Variants in CFAP54 observed in about 807,000 individuals in gnomAD.
The protein encoded by CFAP54 is cilia- and flagella-associated protein 54.
A neutral mutation model predicts 370.4 loss-of-function variants in CFAP54; 290 were observed. That is an observed-to-expected ratio of 0.78 (90% confidence interval 0.71 to 0.86). The LOEUF (loss-of-function observed/expected upper bound fraction) is 0.86, where lower values mean the gene tolerates loss of function less well. CFAP54 is among the 40% of genes least tolerant of loss of function. The pLI, the probability that CFAP54 is intolerant of heterozygous loss-of-function variation, is 0.00. For synonymous variants in CFAP54, 1,206 were observed against 1,236.5 expected (o/e 0.98, Z 0.52); for missense variants, 3,399 against 3,528.7 (o/e 0.96, Z 0.93).
chr12:96,526,685 AAAC>A lies in CFAP54; in HGVS notation c.1159-557_1159-555del, dbSNP rs140538244. Among the ~76,000 whole-genome samples the A allele has an allele frequency of 2.2e-3, 342 of 152,256 alleles. 4 individuals carry two copies. Among genetic ancestry groups the A allele is most frequent in the African/African-American group, 8.1e-3 (335 of 41,544 alleles). Reference sequence around the variant, plus strand: ...GCTTGCTTAATAAGCAAACCATAATAAACAACCTTTTAATGCTGCCTTGGAAAC... The same window carrying A: ...GCTTGCTTAATAAGCAAACCATAATAAACCTTTTAATGCTGCCTTGGAAAC... On this transcript the variant is annotated intron_variant, in intron 8 of 67. Coordinates refer to ENST00000524981, the MANE Select transcript of CFAP54 (RefSeq NM_001306084.2).
intron 45 of CFAP54, among the ~76,000 whole-genome samples, chr12:96,696,939 A>G (rs1162412251): frequency 1.3e-5 from 2 of 152,216 alleles, no homozygotes; most frequent in Non-Finnish European, 2.9e-5. Context: ...TCAAAGAGCA[A>G]TAATAGATCA....
chr12:96,623,610 GTTA>G (rs768108323), intron 27 of CFAP54, among the ~76,000 whole-genome samples, 154 bp from the exon 28 acceptor site: 1 of 152,106 alleles, frequency 6.6e-6, no homozygotes, highest in Non-Finnish European at 1.5e-5. Flanking sequence ...CACAATAACT[GTTA>G]TTATTCATTG....
chr12:96,558,179 G>A (rs979818286), intron 17 of CFAP54, among the ~76,000 whole-genome samples: 8 of 151,966 alleles, frequency 5.3e-5, no homozygotes, highest in African/African-American at 1.9e-4. Context: ...ATACATACAT[G>A]ATAAATATAT....
Position 96,538,398 on chromosome 12 carries a change from TAAAG to T in CFAP54, c.1810_1813del (p.Glu604LeufsTer6), listed in dbSNP as rs1565889193. On this transcript the variant is annotated frameshift_variant, in exon 13 of 68. Coordinates refer to ENST00000524981, the MANE Select transcript of CFAP54 (RefSeq NM_001306084.2). LOFTEE classifies it high-confidence loss of function. ...TTTGTTTTTAGGATGTTCAACCTGA[TAAAG>T]AAATTGTTGTGGACACGATAATGTT... The T allele has an allele frequency of 1.3e-6, 2 of 1,534,952 alleles. No individual in the cohort carries two copies. Among genetic ancestry groups the T allele is most frequent in the South Asian group, 1.2e-5 (1 of 83,680 alleles).
intron 46 of CFAP54, among the ~76,000 whole-genome samples, chr12:96,700,923 A>G (rs1957485109): frequency 6.6e-6 from 1 of 152,210 alleles, no homozygotes; most frequent in Non-Finnish European, 1.5e-5. Flanking sequence ...AGCAACCTGG[A>G]GAATGAGCTA....
rs775104938 is a variant in CFAP54 at position 96,679,628 on chromosome 12, C to T, written c.5592C>T (p.Cys1864=). The T allele has an allele frequency of 9.3e-6, 15 of 1,612,602 alleles. 1 individual carries two copies. The South Asian group carries it at 1.2e-4, about 13-fold the overall frequency. ...ACAGCCGAGCCAAAGCGCTTGTCTG[C>T]GTGCCCGTGGACGTGACAGACACCT... is the stretch of plus-strand genomic sequence containing the variant. The part of the protein sequence containing the change: ...SEYSRAKALV[C]VPVDVTDTLR... Residue 1864 remains cysteine (C), a synonymous_variant, in exon 40 of 68, where the codon TGC becomes TGT. Transcript: ENST00000524981.
intron 61 of CFAP54, among the ~76,000 whole-genome samples, chr12:96,786,200 CTT>C (rs35563047): frequency 1.2e-3 from 166 of 137,640 alleles, no homozygotes; most frequent in South Asian, 1.2e-3. Context: ...TTTTTTTAAT[CTT>C]TTTTTTTTTT....
intron 66 of CFAP54, among the ~76,000 whole-genome samples, chr12:96,858,092 C>G (rs531459551): frequency 6.6e-6 from 1 of 152,134 alleles, no homozygotes; most frequent in Non-Finnish European, 1.5e-5. Context: ...ATACTGCTTT[C>G]CACAATGGTT....
At chr12:96,674,035 C>G (rs184128059) in intron 39 of CFAP54, among the ~76,000 whole-genome samples, 1 of 152,158 alleles carries the variant, frequency 6.6e-6, no homozygotes, top group South Asian at 2.1e-4. Context: ...ATGGATATGC[C>G]TTTTATTGAA....
intron 65 of CFAP54, among the ~76,000 whole-genome samples, chr12:96,824,642 T>C (rs890771790): frequency 6.6e-6 from 1 of 152,128 alleles, no homozygotes; most frequent in Non-Finnish European, 1.5e-5. Context: ...TGGTGTACCC[T>C]GACTAGTGCT....
At chr12:96,511,847 G>A (rs917315447) in intron 4 of CFAP54, among the ~76,000 whole-genome samples, 37 of 152,200 alleles carry the variant, frequency 2.4e-4, no homozygotes, top group Admixed American at 8.5e-4. Flanking sequence ...TTATGGTTAC[G>A]AATATTAGAT....
intron 39 of CFAP54, among the ~76,000 whole-genome samples, chr12:96,667,159 C>T (rs1957089853): frequency 6.6e-6 from 1 of 152,214 alleles, no homozygotes; most frequent in South Asian, 2.1e-4. Flanking sequence ...TGGCCTCCCT[C>T]CCGGCTGCTT....
chr12:96,826,997 A>G (rs190676429), intron 65 of CFAP54, among the ~76,000 whole-genome samples: 3,961 of 136,784 alleles, frequency 0.029, 104 homozygotes, highest in East Asian at 0.073. Context: ...ATGCAATTAT[A>G]TATGATTAAT....
chr12:96,511,909 G>A (rs567160754), intron 4 of CFAP54, among the ~76,000 whole-genome samples: 3 of 152,244 alleles, frequency 2.0e-5, no homozygotes, highest in Non-Finnish European at 4.4e-5. Flanking sequence ...CCTTTTTAAA[G>A]CATGCTACCA....
intron 19 of CFAP54, among the ~76,000 whole-genome samples, chr12:96,574,917 T>C (rs145286569): frequency 0.014 from 2,087 of 152,256 alleles, 56 homozygotes; most frequent in African/African-American, 0.048. Context: ...CTCTCTGTAT[T>C]TGGAAACATT....
intron 17 of CFAP54, among the ~76,000 whole-genome samples, chr12:96,557,003 A>G (rs1205708176): frequency 6.6e-6 from 1 of 152,180 alleles, no homozygotes; most frequent in Admixed American, 6.6e-5. Flanking sequence ...AACTCCCATG[A>G]CATGAGTTTA....
At chr12:96,561,744 CACAT>C (rs1260311684) in intron 17 of CFAP54, among the ~76,000 whole-genome samples, 120 of 82,096 alleles carry the variant, frequency 1.5e-3, no homozygotes, top group Admixed American at 5.1e-3. Flanking sequence ...CACACACACA[CACAT>C]GTATATATAT....
intron 20 of CFAP54, 68 bp downstream of exon 20, chr12:96,576,829 C>A: frequency 7.8e-7 from 1 of 1,288,292 alleles, no homozygotes. Context: ...TACCATGATT[C>A]ATACTTTGAT....
Position 96,600,182 on chromosome 12 carries a change from G to GT in CFAP54, c.3639+1416dup, listed in dbSNP as rs199728143. On this transcript the variant is annotated intron_variant, in intron 26 of 67. Transcript: ENST00000524981. ...TCTTGAGTTAATTTTTGTGTAAGGT[G>GT]TAAGGAAGGAATCCAGTTTCAGCTT... is the stretch of plus-strand genomic sequence containing the variant. 9.1e-3 allele frequency among the ~76,000 whole-genome samples: 1,382 copies of GT among 152,250 alleles called. 12 individuals are homozygous for GT. The highest frequency in any genetic ancestry group is 0.037 in the Middle Eastern group (11 of 294).
Sources: gnomAD v4.1 joint callset for allele counts (sites outside exome capture counted in the v4.1 genomes callset) on GRCh38, gnomAD v4.1.1 for gene constraint, MANE v1.5 for transcripts, NCBI Gene and HGNC (gene_info 2026-07-23, HGNC 2026-07-21) for gene names.